Variants in AP3B1 observed in about 807,000 individuals in gnomAD.
AP3B1 encodes the protein adaptor related protein complex 3 subunit beta 1, also known as AP-3 complex subunit beta-1.
A neutral mutation model predicts 132.5 loss-of-function variants in AP3B1; 61 were observed. That is an observed-to-expected ratio of 0.46 (90% CI 0.37 to 0.57). The LOEUF (loss-of-function observed/expected upper bound fraction) is 0.57. Among genes scored for constraint, AP3B1 ranks in the 20% least tolerant of loss-of-function variants. AP3B1 has a pLI of 0.00. For synonymous variants in AP3B1, 388 were observed against 438.3 expected, an observed-to-expected ratio of 0.89 and a Z score of 1.43; for missense variants, 1,120 against 1,289.4, an observed-to-expected ratio of 0.87 and a Z score of 2.01.
intron 20 of AP3B1, chr5:78,101,326 G>A (rs1229005541): frequency 1.5e-5 from 7 of 456,640 alleles, no homozygotes; most frequent in Admixed American, 5.3e-5. Flanking sequence ...ACATAAAAAC[G>A]TAAAGTGGCT....
chr5:78,261,271 C>A (rs550015065), intron 2 of AP3B1, among the ~76,000 whole-genome samples: 9 of 152,320 alleles, frequency 5.9e-5, no homozygotes, highest in African/African-American at 2.2e-4. Flanking sequence ...CCAACACTTA[C>A]AATTTTGTTT....
intron 13 of AP3B1, 23 bp from the exon 14 acceptor site, chr5:78,156,390 A>T: frequency 6.8e-7 from 1 of 1,466,382 alleles, no homozygotes; most frequent in Non-Finnish European, 9.6e-7. Context: ...GAAATTATTC[A>T]TACTAAATAT....
rs149930750 is a variant in AP3B1 at position 78,100,244 on chromosome 5, C to G, written c.2470+709G>C. ...ATGAGATAACCTAAAACATAACTCA[C>G]TCTCAGCATAGAAAAACTCTATCAA... On this transcript the variant is annotated intron_variant, in intron 21 of 26. Transcript: ENST00000255194. Among the ~76,000 whole-genome samples, 712 of 152,240 alleles carry G rather than the reference C, an allele frequency of 4.7e-3. 4 individuals carry two copies. The highest frequency in any genetic ancestry group is 0.016 in the African/African-American group (662 of 41,534).
intron 15 of AP3B1, among the ~76,000 whole-genome samples, chr5:78,140,723 G>A (rs1420026345): frequency 6.6e-6 from 1 of 152,082 alleles, no homozygotes; most frequent in African/African-American, 2.4e-5. Context: ...TGCCATTCTG[G>A]ACTCACCTTC....
At chr5:78,201,641 C>G (rs1428604331) in intron 7 of AP3B1, among the ~76,000 whole-genome samples, 2 of 152,108 alleles carry the variant, frequency 1.3e-5, no homozygotes, top group Non-Finnish European at 2.9e-5. Context: ...AAACAATGTT[C>G]CATGATTATA....
chr5:78,055,546 T>C (rs1009852708), intron 22 of AP3B1, among the ~76,000 whole-genome samples: 1 of 152,188 alleles, frequency 6.6e-6, no homozygotes, highest in African/African-American at 2.4e-5. Flanking sequence ...AAGACAATGT[T>C]TATTAGCATA....
chr5:78,051,661 C>G (rs1748589927), intron 22 of AP3B1, among the ~76,000 whole-genome samples: 1 of 151,978 alleles, frequency 6.6e-6, no homozygotes. Context: ...ATTTAGTTAC[C>G]CAGTCATTAA....
intron 14 of AP3B1, among the ~76,000 whole-genome samples, chr5:78,142,465 C>T (rs1373880674): frequency 6.6e-6 from 1 of 152,048 alleles, no homozygotes; most frequent in African/African-American, 2.4e-5. Context: ...TTATGAAGTC[C>T]TTTTACAATT....
intron 1 of AP3B1, among the ~76,000 whole-genome samples, chr5:78,284,724 T>C (rs1404101640): frequency 6.6e-6 from 1 of 152,204 alleles, no homozygotes; most frequent in Non-Finnish European, 1.5e-5. Context: ...ATTAGGGTTG[T>C]TATTTTTCAG....
rs118049300 is a variant in AP3B1, at chr5:78,153,659, T to C, written c.1473+2599A>G. On this transcript the variant is annotated intron_variant, in intron 14 of 26. Coordinates refer to ENST00000255194, the MANE Select transcript of AP3B1 (RefSeq NM_003664.5). ...TCCTTTCTTCCTGTTTTCCTTTTAA[T>C]GCAGGTGGTTTTCTCTAGTGGTAGG... Among the ~76,000 whole-genome samples the C allele has an allele frequency of 2.6e-5, 4 of 152,300 alleles. No homozygotes were observed. In the East Asian group the frequency reaches 7.7e-4, roughly 29 times the overall value.
At chr5:78,203,142 T>C (rs1295254143) in intron 7 of AP3B1, among the ~76,000 whole-genome samples, 1 of 152,198 alleles carries the variant, frequency 6.6e-6, no homozygotes, top group Admixed American at 6.5e-5. Context: ...CTTCTCTTGC[T>C]GCTCTCAAGA....
At chr5:78,189,869 C>CAAATA (rs55792888) in intron 7 of AP3B1, among the ~76,000 whole-genome samples, 7,558 of 102,218 alleles carry the variant, frequency 0.074, 619 homozygotes, top group East Asian at 0.19. Context: ...GACTCCATCT[C>CAAATA]AAATAAAATA....
chr5:78,235,830 T>C lies in AP3B1; in HGVS notation c.279+5032A>G, dbSNP rs185188828. On this transcript the variant is annotated intron_variant, in intron 3 of 26. Coordinates refer to ENST00000255194, the MANE Select transcript of AP3B1 (RefSeq NM_003664.5). ...TTGACTAAACCTTTGATTATTTTTG[T>C]ACTATAACCACTGATTGCTTACTAG... Among the ~76,000 whole-genome samples the C allele has an allele frequency of 1.6e-4, 24 of 152,338 alleles. 1 individual carries two copies. The highest frequency in any genetic ancestry group is 8.5e-4 in the Admixed American group (13 of 15,304).
At chr5:78,251,972 TG>T (rs1747657906) in intron 2 of AP3B1, among the ~76,000 whole-genome samples, 1 of 152,076 alleles carries the variant, frequency 6.6e-6, no homozygotes, top group Non-Finnish European at 1.5e-5. Context: ...GACTTTGTCT[TG>T]CATCTTGGAT....
chr5:78,104,487 A>G (rs960248065), intron 20 of AP3B1, among the ~76,000 whole-genome samples: 1 of 152,090 alleles, frequency 6.6e-6, no homozygotes, highest in African/African-American at 2.4e-5. Flanking sequence ...CAGGAAAGAC[A>G]TAAACTGAGA....
intron 3 of AP3B1, among the ~76,000 whole-genome samples, chr5:78,232,041 T>C (rs970165855): frequency 1.3e-5 from 2 of 152,168 alleles, no homozygotes; most frequent in African/African-American, 4.8e-5. Flanking sequence ...ACTCTTTACA[T>C]CCTTCTATAT....
chr5:78,056,722 C>T (rs913897325), intron 22 of AP3B1, among the ~76,000 whole-genome samples: 1 of 152,164 alleles, frequency 6.6e-6, no homozygotes, highest in African/African-American at 2.4e-5. Context: ...TTTTAAAGAG[C>T]AGTCCCCAGT....
intron 1 of AP3B1, among the ~76,000 whole-genome samples, chr5:78,277,067 A>G (rs1748812329): frequency 6.6e-6 from 1 of 152,188 alleles, no homozygotes; most frequent in South Asian, 2.1e-4. Flanking sequence ...TTTTGCATTT[A>G]TAGTATATTA....
chr5:78,068,450 C>T (rs1050826367), intron 22 of AP3B1, among the ~76,000 whole-genome samples: 1 of 152,074 alleles, frequency 6.6e-6, no homozygotes, highest in Non-Finnish European at 1.5e-5. Context: ...GGGGATATTA[C>T]CACTGACCCC....
Sources: allele counts gnomAD v4.1 joint callset (sites outside exome capture counted in the v4.1 genomes callset), GRCh38; gene constraint gnomAD v4.1.1; transcripts MANE v1.5; gene names NCBI Gene and HGNC (gene_info 2026-07-23, HGNC 2026-07-21).